ZNF782: variants seen among roughly 807,000 people sequenced by gnomAD.
ZNF782 encodes zinc finger protein 782.
A neutral mutation model predicts 13.0 loss-of-function variants in ZNF782; 12 were observed. That is an observed-to-expected ratio of 0.92 (90% CI 0.59 to 1.50). ZNF782 has a LOEUF of 1.50. Ranked by LOEUF, ZNF782 falls within the 40% of genes most tolerant of loss-of-function variation. ZNF782 has a pLI of 0.00. For synonymous variants in ZNF782, 284 were observed against 283.0 expected, an observed-to-expected ratio of 1.00 and a Z score of -0.04; for missense variants, 770 against 822.9, an observed-to-expected ratio of 0.94 and a Z score of 0.79.
At chr9:96,927,832 A>T in the ZNF782 span, among the ~76,000 whole-genome samples, 4 of 149,760 alleles carry the variant, frequency 2.7e-5, no homozygotes, top group Non-Finnish European at 4.4e-5. Flanking sequence ...TTTTAATTTT[A>T]AAAAACAGTC....
chr9:96,873,543 T>C (rs902189473), intron 1 of ZNF782, among the ~76,000 whole-genome samples: 1 of 152,152 alleles, frequency 6.6e-6, no homozygotes, highest in Non-Finnish European at 1.5e-5. Context: ...CTACTAAAAA[T>C]ACAAAAATTA....
At position 96,817,168 on chromosome 9, in the gene ZNF782, A is replaced by G. The variant is rs971099241; in HGVS notation, c.*755T>C. 3 of 152,324 alleles carry G rather than the reference A, an allele frequency of 2.0e-5. No individual in the cohort carries two copies. Among genetic ancestry groups the G allele is most frequent in the African/African-American group, 7.2e-5 (3 of 41,570 alleles). 9.4% of individuals were successfully genotyped at this position (152,324 alleles called of 1,614,324 possible). A position where few individuals can be genotyped will look rare whatever the true frequency, so the allele number is the denominator to read the frequency against. ...TCCATTCCATTCTAATGAGGGATAGAAGAAAATATTGAGAATTTGACTGAT... is the reference window on the plus strand; with the variant it reads ...TCCATTCCATTCTAATGAGGGATAGGAGAAAATATTGAGAATTTGACTGAT... On this transcript the variant is annotated 3_prime_UTR_variant, in exon 6 of 6. Transcript: ENST00000481138.
intron 5 of ZNF782, among the ~76,000 whole-genome samples, chr9:96,822,854 A>G (rs1850473408): frequency 6.6e-6 from 1 of 152,172 alleles, no homozygotes; most frequent in Non-Finnish European, 1.5e-5. Flanking sequence ...TTAAAGATAT[A>G]TATTCCTTAT....
chr9:96,916,537 C>T, the ZNF782 span, among the ~76,000 whole-genome samples: 1 of 151,914 alleles, frequency 6.6e-6, no homozygotes, highest in East Asian at 1.9e-4. Context: ...CGCCTTCCGT[C>T]AAAAAGAAAA....
At chr9:96,873,080 T>C (rs1381050080) in intron 1 of ZNF782, among the ~76,000 whole-genome samples, 1 of 104,464 alleles carries the variant, frequency 9.6e-6, no homozygotes, top group Non-Finnish European at 1.6e-5. Context: ...TCACTGTTAG[T>C]TTTTTTTTTT....
chr9:96,928,831 C>T, the ZNF782 span: 9,249 of 549,770 alleles, frequency 0.017, 516 homozygotes, highest in East Asian at 0.19. Flanking sequence ...CCGCCAAGCC[C>T]GGCTGCCCAC....
At chr9:96,931,673 G>A in the ZNF782 span, 5 of 1,606,562 alleles carry the variant, frequency 3.1e-6, no homozygotes, top group South Asian at 4.4e-5. Flanking sequence ...AGTGACTAGA[G>A]TGGACCTGGA....
the ZNF782 span, among the ~76,000 whole-genome samples, chr9:96,916,829 T>C: frequency 7.3e-5 from 10 of 137,560 alleles, no homozygotes; most frequent in Non-Finnish European, 1.4e-4. Flanking sequence ...CCATGGTCAA[T>C]GGCATAAAAG....
chr9:96,903,386 G>A, the ZNF782 span, among the ~76,000 whole-genome samples: 10 of 151,546 alleles, frequency 6.6e-5, no homozygotes, highest in East Asian at 9.7e-4. Context: ...TTTTTTTGCC[G>A]GGTAGTCTTC....
chr9:96,927,200 G>C, the ZNF782 span, among the ~76,000 whole-genome samples: 1 of 152,232 alleles, frequency 6.6e-6, no homozygotes, highest in Non-Finnish European at 1.5e-5. Flanking sequence ...TGAGCTGAGA[G>C]ACTCCAGCCA....
At chr9:96,900,138 G>A in the ZNF782 span, among the ~76,000 whole-genome samples, 1 of 151,522 alleles carries the variant, frequency 6.6e-6, no homozygotes, top group South Asian at 2.1e-4. Flanking sequence ...CTATTTAATA[G>A]CCTTTACTCT....
At chr9:96,915,182 A>C in the ZNF782 span, among the ~76,000 whole-genome samples, 3 of 152,048 alleles carry the variant, frequency 2.0e-5, no homozygotes, top group Admixed American at 6.6e-5. Context: ...CATAGTATTA[A>C]ATTAATGTCT....
At chr9:96,919,843 C>T in the ZNF782 span, among the ~76,000 whole-genome samples, 6 of 150,928 alleles carry the variant, frequency 4.0e-5, no homozygotes, top group South Asian at 8.4e-4. Context: ...CACAGGCATG[C>T]GCCACTACAC....
rs1851540629 is a variant in ZNF782, at chr9:96,852,886, G to A, written c.-78C>T. The A allele has an allele frequency of 6.6e-6, 1 of 152,606 alleles. No individual in the cohort carries two copies. The highest frequency in any genetic ancestry group is 2.4e-5 in the African/African-American group (1 of 41,424). 9.5% of individuals were successfully genotyped at this position (152,606 alleles called of 1,614,324 possible). A position where few individuals can be genotyped will look rare whatever the true frequency, so the allele number is the denominator to read the frequency against. ...GAATGAACGGAACTGTTTTCCTCCT[G>A]GCTCTACCACAAACGAGGGATCCCC... On this transcript the variant is annotated 5_prime_UTR_variant, in exon 2 of 6. Coordinates refer to ENST00000481138, the MANE Select transcript of ZNF782 (RefSeq NM_001001662.3).
In ZNF782 at chr9:96,819,588, G is replaced by A. The variant is rs1479957923; in HGVS notation, c.435C>T (p.Cys145=). The change falls in exon 6 of 6, where the codon TGC becomes TGT. Residue 145 remains cysteine (C), a synonymous_variant. Coordinates refer to ENST00000481138, the MANE Select transcript of ZNF782 (RefSeq NM_001001662.3). ...PCKCDIAGSA[C]QGLSLMAPHC... Reference sequence around the variant, plus strand: ...GTGGGGCCATCAGGCTGAGCCCCTGGCAAGCAGACCCCGCAATGTCACATT... The same window carrying A: ...GTGGGGCCATCAGGCTGAGCCCCTGACAAGCAGACCCCGCAATGTCACATT... 3.7e-5 allele frequency: 60 copies of A among 1,613,688 alleles called. No individual in the cohort carries two copies. The East Asian group carries it at 1.3e-3, about 36-fold the overall frequency.
At chr9:96,918,555 G>C in the ZNF782 span, 1 of 150,170 alleles carries the variant, frequency 6.7e-6, no homozygotes, top group Non-Finnish European at 1.5e-5. Context: ...TGGCTGCTAG[G>C]AATAAATTTT....
chr9:96,849,797 C>A (rs1474369491), intron 3 of ZNF782, among the ~76,000 whole-genome samples: 2 of 151,800 alleles, frequency 1.3e-5, no homozygotes, highest in Non-Finnish European at 1.5e-5. Context: ...TTACAAGGAA[C>A]TCAAATAAAC....
At chr9:96,847,859 G>A (rs568214969) in intron 3 of ZNF782, among the ~76,000 whole-genome samples, 1 of 152,078 alleles carries the variant, frequency 6.6e-6, no homozygotes, top group Admixed American at 6.5e-5. Flanking sequence ...ACCAGGAAAG[G>A]ACACAACAAA....
intron 4 of ZNF782, among the ~76,000 whole-genome samples, chr9:96,840,736 A>C (rs924716278): frequency 6.6e-6 from 1 of 152,112 alleles, no homozygotes; most frequent in African/African-American, 2.4e-5. Flanking sequence ...TAGTAACCCG[A>C]TATGCAATTT....
Sources: allele counts gnomAD v4.1 joint callset (sites outside exome capture counted in the v4.1 genomes callset), GRCh38; gene constraint gnomAD v4.1.1; transcripts MANE v1.5; gene names NCBI Gene and HGNC (gene_info 2026-07-23, HGNC 2026-07-21).